The following GALNT14 variants were observed in gnomAD, a reference collection of about 807,000 sequenced individuals.
The protein encoded by GALNT14 is UDP-GalNAc:polypeptide N-acetylgalactosaminyltransferase 14.
In GALNT14, 60 loss-of-function variants were observed where a neutral mutation model predicts 77.5. The observed-to-expected ratio is 0.77, with a 90% CI of 0.63 to 0.96. The LOEUF (loss-of-function observed/expected upper bound fraction) is 0.96. Among genes scored for constraint, GALNT14 ranks in the 40% least tolerant of loss-of-function variants. The pLI is 0.00. For missense variants in GALNT14, 710 were observed against 731.0 expected, an observed-to-expected ratio of 0.97 and a Z score of 0.33; for synonymous variants, 280 against 281.7, an observed-to-expected ratio of 0.99 and a Z score of 0.06.
chr2:30,909,814 T>C (rs1000764265), downstream of GALNT14, among the ~76,000 whole-genome samples: 2 of 151,952 alleles, frequency 1.3e-5, no homozygotes, highest in Non-Finnish European at 2.9e-5. Flanking sequence ...CCAACCCAAA[T>C]GTCCAACAAT....
At position 31,125,118 on chromosome 2, in the gene GALNT14, G is replaced by A. The variant is rs115317916; in HGVS notation, c.129+12840C>T. 4,326 of 1,439,782 alleles carry A rather than the reference G, an allele frequency of 3.0e-3. 115 individuals are homozygous for A. In the African/African-American group the frequency reaches 0.051, roughly 17 times the overall value. The allele number at this position is 1,439,782 out of a possible 1,614,324, so 89.2% of individuals were successfully genotyped here. A position where few individuals can be genotyped will look rare whatever the true frequency, so the allele number is the denominator to read the frequency against. ...GCCTGCTTGGGCAGAAAAGCAGCTG[G>A]CACCTCACACTCCTGGGGACACACA... On this transcript the variant is annotated intron_variant, in intron 1 of 14. Transcript: ENST00000349752.
At chr2:31,137,842 G>C (rs1679297577) in intron 1 of GALNT14, 116 bp downstream of exon 1, 6 of 1,353,298 alleles carry the variant, frequency 4.4e-6, no homozygotes, top group Non-Finnish European at 6.0e-6. Flanking sequence ...GCTGTTACCT[G>C]CTCGCAGCAC....
chr2:30,922,861 G>A (rs1665114368), intron 13 of GALNT14, among the ~76,000 whole-genome samples: 1 of 152,162 alleles, frequency 6.6e-6, no homozygotes, highest in Admixed American at 6.5e-5. Flanking sequence ...ATGAATAAAT[G>A]AATTCATGGA....
At chr2:30,962,080 C>G (rs886692521) in intron 3 of GALNT14, among the ~76,000 whole-genome samples, 32 of 152,110 alleles carry the variant, frequency 2.1e-4, no homozygotes, top group African/African-American at 6.5e-4. Flanking sequence ...AGTTTGAGAG[C>G]CCCTGCATTA....
chr2:30,951,807 G>A (rs958977445), intron 6 of GALNT14, among the ~76,000 whole-genome samples: 1 of 152,202 alleles, frequency 6.6e-6, no homozygotes. Flanking sequence ...GTTCAGGTCT[G>A]AGTCTTTACC....
chr2:30,985,772 G>A (rs942451249), intron 2 of GALNT14, among the ~76,000 whole-genome samples: 24 of 152,190 alleles, frequency 1.6e-4, no homozygotes, highest in African/African-American at 5.1e-4. Flanking sequence ...TGTCACAGAC[G>A]GGGAGAGCTT....
chr2:30,901,535 A>C, the GALNT14 span, among the ~76,000 whole-genome samples: 1 of 149,878 alleles, frequency 6.7e-6, no homozygotes, highest in Non-Finnish European at 1.5e-5. Flanking sequence ...CCTTTCCTTT[A>C]ATACATATAT....
intron 13 of GALNT14, among the ~76,000 whole-genome samples, chr2:30,922,563 C>G (rs960107353): frequency 4.6e-5 from 7 of 152,228 alleles, no homozygotes; most frequent in Non-Finnish European, 1.0e-4. Flanking sequence ...CCAGGTCTTT[C>G]CTGGGCCACC....
At chr2:30,908,632 C>A (rs1464526116), downstream of GALNT14, among the ~76,000 whole-genome samples, 1 of 122,526 alleles carries the variant, frequency 8.2e-6, no homozygotes, top group African/African-American at 3.4e-5. Flanking sequence ...GGCCATACTG[C>A]CCAAGGTAAT....
intron 1 of GALNT14, among the ~76,000 whole-genome samples, chr2:31,123,181 CAA>C (rs11397679): frequency 3.1e-5 from 3 of 96,866 alleles, no homozygotes; most frequent in African/African-American, 4.2e-5. Flanking sequence ...GACTCCATCT[CAA>C]AAAAAAAAAA....
chr2:31,032,387 C>T (rs1672471038), intron 1 of GALNT14, among the ~76,000 whole-genome samples: 1 of 152,168 alleles, frequency 6.6e-6, no homozygotes, highest in Non-Finnish European at 1.5e-5. Context: ...ACAAGAGTGG[C>T]CACGAGGGCT....
At chr2:31,119,176 A>T (rs2148635218) in intron 1 of GALNT14, among the ~76,000 whole-genome samples, 1 of 152,320 alleles carries the variant, frequency 6.6e-6, no homozygotes, top group Middle Eastern at 3.4e-3. Flanking sequence ...CTTTTTAATC[A>T]AGACAGGGCA....
chr2:30,890,950 C>T, the GALNT14 span, among the ~76,000 whole-genome samples: 1 of 151,986 alleles, frequency 6.6e-6, no homozygotes, highest in African/African-American at 2.4e-5. Context: ...ATAAAGCCAG[C>T]CTGAGACCAG....
intron 1 of GALNT14, among the ~76,000 whole-genome samples, chr2:31,098,319 T>C (rs1677096143): frequency 6.6e-6 from 1 of 152,304 alleles, no homozygotes; most frequent in East Asian, 1.9e-4. Flanking sequence ...GGAAAGCCTT[T>C]GGGCAATTTC....
At chr2:30,913,940 T>C (rs1001796607) in intron 13 of GALNT14, among the ~76,000 whole-genome samples, 1 of 152,216 alleles carries the variant, frequency 6.6e-6, no homozygotes, top group Non-Finnish European at 1.5e-5. Context: ...TTGGGACATA[T>C]CAAGAAGTTC....
chr2:31,033,135 C>T (rs1459148995), intron 1 of GALNT14, among the ~76,000 whole-genome samples: 1 of 152,120 alleles, frequency 6.6e-6, no homozygotes, highest in East Asian at 1.9e-4. Flanking sequence ...AATACTCAGG[C>T]TCAAGTCATT....
intron 1 of GALNT14, among the ~76,000 whole-genome samples, chr2:31,110,424 C>G (rs1677776997): frequency 6.6e-6 from 1 of 152,160 alleles, no homozygotes; most frequent in African/African-American, 2.4e-5. Flanking sequence ...AAAGAATCAC[C>G]TTTCTTACCC....
chr2:31,104,539 T>A (rs768134807), intron 1 of GALNT14, among the ~76,000 whole-genome samples: 15 of 152,146 alleles, frequency 9.9e-5, no homozygotes, highest in Non-Finnish European at 1.5e-4. Flanking sequence ...ATCCCAACAA[T>A]GTCTCTTTTT....
At chr2:31,108,531 C>A (rs1241614889) in intron 1 of GALNT14, among the ~76,000 whole-genome samples, 1 of 152,204 alleles carries the variant, frequency 6.6e-6, no homozygotes, top group Non-Finnish European at 1.5e-5. Flanking sequence ...CCCTATGCTA[C>A]TCCTTCAAGG....
Sources: allele counts gnomAD v4.1 joint callset (sites outside exome capture counted in the v4.1 genomes callset), GRCh38; gene constraint gnomAD v4.1.1; transcripts MANE v1.5; gene names NCBI Gene and HGNC (gene_info 2026-07-23, HGNC 2026-07-21).